STAB2: variants seen among roughly 807,000 people sequenced by gnomAD.
STAB2 encodes the protein stabilin-2.
A neutral mutation model predicts 338.1 loss-of-function variants in STAB2; 288 were observed. The ratio of observed to expected loss-of-function variants is 0.85; its 90% CI spans 0.77 to 0.94. The LOEUF (loss-of-function observed/expected upper bound fraction) is 0.94. STAB2 is among the 40% of genes least tolerant of loss of function. The pLI, the probability that STAB2 is intolerant of heterozygous loss-of-function variation, is 0.00. For synonymous variants in STAB2, 1,202 were observed against 1,193.3 expected, an observed-to-expected ratio of 1.01 and a Z score of -0.15; for missense variants, 3,141 against 3,210.1, an observed-to-expected ratio of 0.98 and a Z score of 0.52.
At chr12:103,688,685 T>C in intron 28 of STAB2, among the ~76,000 whole-genome samples, 1 of 152,164 alleles carries the variant, frequency 6.6e-6, no homozygotes, top group African/African-American at 2.4e-5. Context: ...CCATGCCTGG[T>C]CAGCACCCAC....
chr12:103,759,040 T>C lies in STAB2; in HGVS notation c.7108-93T>C, dbSNP rs139390645. The C allele has an allele frequency of 5.0e-6, 8 of 1,603,406 alleles. No homozygotes were observed. The African/African-American group carries it at 9.4e-5, about 19-fold the overall frequency. The stretch of plus-strand genomic sequence containing the variant: ...CATGGAGGCAGGAAAGCCTAGGCCA[T>C]GAGAAGCAATTTTCTTCGTCATCCC... On this transcript the variant is annotated intron_variant, in intron 64 of 68. Transcript: ENST00000388887.
chr12:103,667,293 G>A (rs1164833615), intron 19 of STAB2, among the ~76,000 whole-genome samples: 1 of 152,216 alleles, frequency 6.6e-6, no homozygotes, highest in Non-Finnish European at 1.5e-5. Flanking sequence ...GTGAGAGGGA[G>A]GAGAAGAGGA....
chr12:103,689,010 GTT>G (rs34793391), intron 28 of STAB2, among the ~76,000 whole-genome samples: 5 of 149,250 alleles, frequency 3.4e-5, no homozygotes, highest in African/African-American at 7.5e-5. Context: ...AAGTCTTTTG[GTT>G]TTTTTTTTTC....
chr12:103,742,604 TC>T, intron 56 of STAB2, 50 bp downstream of exon 56: 1 of 1,609,756 alleles, frequency 6.2e-7, no homozygotes. Context: ...GACTGTGTGC[TC>T]CCTGTCCTTG....
chr12:103,665,392 A>G (rs703636), intron 18 of STAB2, among the ~76,000 whole-genome samples: 23,512 of 152,180 alleles, frequency 0.15, 1,863 homozygotes, highest in East Asian at 0.2. Flanking sequence ...CCAAACGAAG[A>G]GATTCTGATG....
intron 41 of STAB2, among the ~76,000 whole-genome samples, chr12:103,712,947 G>GC (rs1420845494): frequency 6.6e-6 from 1 of 152,158 alleles, no homozygotes; most frequent in African/African-American, 2.4e-5. Context: ...TACCTCCCTT[G>GC]CAGAGTGGTT....
rs568653725 is a variant in STAB2 at position 103,751,044 on chromosome 12, C to T, written c.6580+324C>T. ...TGCAGAGGCATGGGCAATAGGACAT[C>T]TTGAAACCCAACGGAGGAAGCCAGA... is the stretch of plus-strand genomic sequence containing the variant. On this transcript the variant is annotated intron_variant, in intron 60 of 68. Transcript: ENST00000388887. Among the ~76,000 whole-genome samples, 24 of 152,326 alleles carry T rather than the reference C, an allele frequency of 1.6e-4. No individual in the cohort carries two copies. In the East Asian group the frequency reaches 1.7e-3, roughly 11 times the overall value.
intron 52 of STAB2, 52 bp downstream of exon 52, chr12:103,735,632 A>C (rs1318535668): frequency 7.7e-7 from 1 of 1,299,968 alleles, no homozygotes; most frequent in African/African-American, 1.4e-5. Context: ...ATTCACAGCA[A>C]GCTATTCCCC....
chr12:103,676,218 C>A (rs1030855167), intron 24 of STAB2, among the ~76,000 whole-genome samples, 197 bp downstream of exon 24: 1 of 151,988 alleles, frequency 6.6e-6, no homozygotes, highest in African/African-American at 2.4e-5. Flanking sequence ...CGTGCCACCA[C>A]CCCGGCTAAT....
intron 7 of STAB2, 52 bp from the exon 8 acceptor site, chr12:103,637,964 C>T: frequency 6.4e-7 from 1 of 1,565,436 alleles, no homozygotes; most frequent in East Asian, 2.3e-5. Context: ...TTCAGTTTTC[C>T]TTCTCCATCC....
intron 10 of STAB2, among the ~76,000 whole-genome samples, chr12:103,649,432 C>G (rs1479149474): frequency 6.6e-6 from 1 of 152,164 alleles, no homozygotes; most frequent in African/African-American, 2.4e-5. Flanking sequence ...TCCACACTCT[C>G]TAGAGAATGA....
intron 65 of STAB2, among the ~76,000 whole-genome samples, chr12:103,760,913 C>A (rs908166326): frequency 3.9e-5 from 6 of 152,182 alleles, no homozygotes; most frequent in African/African-American, 1.4e-4. Context: ...GCCAGGAAAT[C>A]ACACTGGGAC....
chr12:103,682,941 C>G (rs1302237702), intron 25 of STAB2, among the ~76,000 whole-genome samples: 1 of 128,534 alleles, frequency 7.8e-6, no homozygotes, highest in Non-Finnish European at 1.7e-5. Context: ...GAGTGAGACT[C>G]CATCTCAAAA....
intron 38 of STAB2, 26 bp downstream of exon 38, chr12:103,707,013 A>C: frequency 6.2e-7 from 1 of 1,609,082 alleles, no homozygotes; most frequent in Non-Finnish European, 8.5e-7. Flanking sequence ...TCCACAGAGG[A>C]TCTTGGGCTG....
At chr12:103,734,100 TTATAGGAGCAAGCACGATCA>T (rs1243160651) in intron 51 of STAB2, among the ~76,000 whole-genome samples, 1 of 130,040 alleles carries the variant, frequency 7.7e-6, no homozygotes, top group Non-Finnish European at 1.6e-5. Context: ...GCATGCAGTC[TTATAGGAGCAAGCACGATCA>T]TATAGGAGTA....
intron 5 of STAB2, among the ~76,000 whole-genome samples, chr12:103,630,543 T>C (rs1257542064): frequency 6.6e-6 from 1 of 152,214 alleles, no homozygotes; most frequent in African/African-American, 2.4e-5. Context: ...GCAGGTAGAA[T>C]TAAGGTTGCT....
intron 3 of STAB2, among the ~76,000 whole-genome samples, chr12:103,618,613 A>C (rs933654755): frequency 5.3e-5 from 8 of 152,238 alleles, no homozygotes; most frequent in Non-Finnish European, 1.2e-4. Context: ...GGGAAGGGAC[A>C]GCAGGAAGGT....
intron 5 of STAB2, among the ~76,000 whole-genome samples, chr12:103,623,326 C>G (rs538591938): frequency 6.6e-6 from 1 of 152,236 alleles, no homozygotes; most frequent in East Asian, 1.9e-4. Flanking sequence ...TCCCTAGCAC[C>G]TGGGAATATG....
chr12:103,734,506 A>C (rs1036418982), intron 51 of STAB2, among the ~76,000 whole-genome samples: 1 of 152,092 alleles, frequency 6.6e-6, no homozygotes, highest in Non-Finnish European at 1.5e-5. Context: ...CATAGGAACA[A>C]GCATGATCAT....
Sources: allele counts gnomAD v4.1 joint callset (sites outside exome capture counted in the v4.1 genomes callset), GRCh38; gene constraint gnomAD v4.1.1; transcripts MANE v1.5; gene names NCBI Gene and HGNC (gene_info 2026-07-23, HGNC 2026-07-21).